VIRMA: variants seen among roughly 807,000 people sequenced by gnomAD.
VIRMA encodes the protein protein virilizer homolog.
Under a neutral mutation model 182.4 loss-of-function variants are expected in VIRMA, and 65 were observed. The observed-to-expected ratio is 0.36, with a 90% confidence interval of 0.29 to 0.44. VIRMA has a LOEUF of 0.44. VIRMA is among the 20% of genes least tolerant of loss of function. The pLI, the probability that VIRMA is intolerant of heterozygous loss-of-function variation, is 1.00. For missense variants in VIRMA, 1,752 were observed against 2,158.1 expected (o/e 0.81, Z 3.73); for synonymous variants, 709 against 743.1 (o/e 0.95, Z 0.75).
At position 94,506,572 on chromosome 8, in the gene VIRMA, T is replaced by C. The variant is rs777792817; in HGVS notation, c.4025A>G (p.Asn1342Ser). 1.9e-6 allele frequency: 3 copies of C among 1,613,752 alleles called. No homozygotes were observed. Among genetic ancestry groups the C allele is most frequent in the South Asian group, 1.1e-5 (1 of 91,082 alleles). ...TGTTCTGACACATGTCAGTAAACAG[T>C]TGTAACTGCTCTCAGAGTTAGCTAG... ...ATLANSESSY[N>S]CLLTCVRTMM... The change falls in exon 16 of 24, where the codon AAC (asparagine) becomes AGC (serine). Residue 1342 changes from asparagine (N) to serine (S), a missense_variant. Asn to Ser is a conservative substitution (Grantham distance 46, BLOSUM62 1). This residue lies in a region of VIRMA where 777 missense variants were observed against 920.6 expected (regional missense o/e 0.84). Transcript: ENST00000297591.
chr8:94,537,250 G>A (rs1280990567), intron 3 of VIRMA, 99 bp from the exon 4 acceptor site: 2 of 817,556 alleles, frequency 2.4e-6, no homozygotes, highest in Non-Finnish European at 4.0e-6. Context: ...ATAATCAAAT[G>A]CTAGATTTTT....
intron 5 of VIRMA, chr8:94,533,614 CTTT>C (rs60590655): frequency 4.2e-5 from 5 of 119,506 alleles, no homozygotes; most frequent in Non-Finnish European, 3.3e-5. Flanking sequence ...CTAATTCTTT[CTTT>C]TTTTTTTTTT....
At chr8:94,510,732 G>A in intron 13 of VIRMA, 80 bp from the exon 14 acceptor site, 1 of 1,044,884 alleles carries the variant, frequency 9.6e-7, no homozygotes, top group Admixed American at 2.2e-5. Context: ...AGGAAGAAAT[G>A]TTATGAAAAG....
intron 5 of VIRMA, 109 bp downstream of exon 5, chr8:94,534,725 CCCTCT>C: frequency 8.1e-7 from 1 of 1,236,740 alleles, no homozygotes; most frequent in Admixed American, 2.3e-5. Context: ...CTTCCTCTCT[CCCTCT>C]CAAGAAATAA....
Position 94,506,699 on chromosome 8 carries a change from G to GTAA in VIRMA, c.3895_3897dup (p.Leu1299dup), listed in dbSNP as rs1227306219. 1 of 1,613,100 alleles carries GTAA rather than the reference G, an allele frequency of 6.2e-7. No homozygotes were observed. Among genetic ancestry groups the GTAA allele is most frequent in the African/African-American group, 1.3e-5 (1 of 74,856 alleles). ...GAAATAGAACCTTCAGAAGAGCTTGGTAAGATAAGTGCAATGTCCTGTGGG... is the reference window on the plus strand; with the variant it reads ...GAAATAGAACCTTCAGAAGAGCTTGGTAATAAGATAAGTGCAATGTCCTGTGGG... On this transcript the variant is annotated inframe_insertion, in exon 16 of 24. Transcript: ENST00000297591.
intron 1 of VIRMA, among the ~76,000 whole-genome samples, chr8:94,548,131 G>C (rs1815839631): frequency 1.3e-5 from 2 of 150,444 alleles, no homozygotes; most frequent in South Asian, 4.2e-4. Flanking sequence ...AGATGGTTAG[G>C]GGACAGTGAT....
chr8:94,506,494 CA>C lies in VIRMA; in HGVS notation c.4097+5del, dbSNP rs761688584. The C allele has an allele frequency of 2.4e-5, 38 of 1,571,420 alleles. 1 individual carries two copies. The South Asian group carries it at 4.3e-4, about 18-fold the overall frequency. On this transcript the variant is annotated splice_donor_5th_base_variant and intron_variant, in intron 16 of 23. Coordinates refer to ENST00000297591, the MANE Select transcript of VIRMA (RefSeq NM_015496.5). ...TGAGAGTATATTAAATTAGACAAAT[CA>C]TTACCTTTTTAAATGAAATAATCCA...
rs773793629 is a variant in VIRMA, at chr8:94,491,703, G to A, written c.5015C>T (p.Pro1672Leu). Residue 1672 changes from proline to leucine, a missense_variant, in exon 22 of 24, where the codon CCT becomes CTT. Around this residue, in one of 11 missense-constraint regions of VIRMA, gnomAD observed 12 missense variants for 24.2 expected, o/e 0.50. Coordinates refer to ENST00000297591, the MANE Select transcript of VIRMA (RefSeq NM_015496.5). ...SKEVVPQDGI[P>L]PPKRPLKVSQ... is the part of the protein sequence containing the mutation. ...TACTTTGAGTGGCCGTTTTGGTGGAGGTATTCCATCTTGAGGAACCACTTC... is the reference window on the plus strand; with the variant it reads ...TACTTTGAGTGGCCGTTTTGGTGGAAGTATTCCATCTTGAGGAACCACTTC... The A allele has an allele frequency of 6.2e-7, 1 of 1,614,152 alleles. No homozygotes were observed. The highest frequency in any genetic ancestry group is 1.1e-5 in the South Asian group (1 of 91,078).
chr8:94,534,176 G>C (rs1815260207), intron 5 of VIRMA: 1 of 151,946 alleles, frequency 6.6e-6, no homozygotes, highest in African/African-American at 2.4e-5. Context: ...CTCAAAAGTG[G>C]AAGAAATCTA....
chr8:94,488,083 T>C lies in VIRMA; in HGVS notation c.*623A>G, dbSNP rs1208766418. ...AAAACATAGCAACACCTGTTGGACA[T>C]CACATAAACTACTACTTTGAGGTAG... On this transcript the variant is annotated 3_prime_UTR_variant, in exon 24 of 24. Coordinates refer to ENST00000297591, the MANE Select transcript of VIRMA (RefSeq NM_015496.5). The C allele has an allele frequency of 6.6e-6, 1 of 152,212 alleles. No individual in the cohort carries two copies. The highest frequency in any genetic ancestry group is 2.4e-5 in the African/African-American group (1 of 41,466). The allele number at this position is 152,212 out of a possible 1,614,324, so 9.4% of individuals were successfully genotyped here. A position where few individuals can be genotyped will look rare whatever the true frequency, so the allele number is the denominator to read the frequency against.
At chr8:94,549,960 G>A (rs1815914080) in intron 1 of VIRMA, among the ~76,000 whole-genome samples, 1 of 152,086 alleles carries the variant, frequency 6.6e-6, no homozygotes. Flanking sequence ...AGCCAGGCGT[G>A]TTGGTGCACA....
intron 1 of VIRMA, among the ~76,000 whole-genome samples, chr8:94,547,661 C>T (rs1484577579): frequency 6.6e-6 from 1 of 150,584 alleles, no homozygotes; most frequent in Admixed American, 6.6e-5. Context: ...CTGGAAAGTA[C>T]TATTAAAAAA....
chr8:94,509,273 T>C (rs1265364637), intron 15 of VIRMA, among the ~76,000 whole-genome samples: 23 of 151,854 alleles, frequency 1.5e-4, no homozygotes, highest in Admixed American at 1.5e-3. Flanking sequence ...TGGTGGTGTG[T>C]GCCTGTAATC....
chr8:94,535,169 T>C (rs1223554166), intron 4 of VIRMA, among the ~76,000 whole-genome samples, 162 bp from the exon 5 acceptor site: 1 of 152,164 alleles, frequency 6.6e-6, no homozygotes, highest in Non-Finnish European at 1.5e-5. Flanking sequence ...CAGCTTTTAG[T>C]GTGGTTCTCC....
At chr8:94,492,936 A>G in intron 20 of VIRMA, 118 bp from the exon 21 acceptor site, 1 of 818,530 alleles carries the variant, frequency 1.2e-6, no homozygotes, top group Non-Finnish European at 1.9e-6. Context: ...AATAAATTAT[A>G]GATCTACCTC....
At chr8:94,541,115 ATTATTG>A (rs1014489788) in intron 2 of VIRMA, among the ~76,000 whole-genome samples, 4 of 150,758 alleles carry the variant, frequency 2.7e-5, no homozygotes, top group African/African-American at 9.9e-5. Flanking sequence ...AATTATAATT[ATTATTG>A]TTATTACTTT....
chr8:94,552,477 C>T (rs1816024718), intron 1 of VIRMA, among the ~76,000 whole-genome samples: 1 of 151,698 alleles, frequency 6.6e-6, no homozygotes, highest in East Asian at 1.9e-4. Context: ...CAAGAGCACA[C>T]TTGATAAAAA....
chr8:94,492,927 A>G (rs1563676805), intron 20 of VIRMA, 109 bp from the exon 21 acceptor site: 1 of 908,826 alleles, frequency 1.1e-6, no homozygotes, highest in Non-Finnish European at 1.6e-6. Context: ...CTCATAAGAA[A>G]TAAATTATAG....
chr8:94,529,375 T>G, intron 6 of VIRMA, 33 bp from the exon 7 acceptor site: 4 of 1,293,524 alleles, frequency 3.1e-6, no homozygotes, highest in Non-Finnish European at 3.3e-6. Flanking sequence ...ACAGACTATT[T>G]TAATGGTTTA....
Sources: allele counts gnomAD v4.1 joint callset (sites outside exome capture counted in the v4.1 genomes callset), GRCh38; gene constraint gnomAD v4.1.1; regional missense constraint gnomAD v4.1.1; transcripts MANE v1.5; gene names NCBI Gene and HGNC (gene_info 2026-07-23, HGNC 2026-07-21).